The following PPP1R7 variants were observed in gnomAD, a reference collection of about 807,000 sequenced individuals.
PPP1R7 encodes the protein protein phosphatase 1 regulatory subunit 22.
A neutral mutation model predicts 45.2 loss-of-function variants in PPP1R7; 18 were observed. The observed-to-expected ratio is 0.40, with a 90% CI of 0.28 to 0.59. PPP1R7 has a LOEUF of 0.59. PPP1R7 is among the 20% of genes least tolerant of loss of function. The pLI, the probability that PPP1R7 is intolerant of heterozygous loss-of-function variation, is 0.46. For synonymous variants in PPP1R7, 181 were observed against 183.4 expected, an observed-to-expected ratio of 0.99 and a Z score of 0.11; for missense variants, 314 against 455.8, an observed-to-expected ratio of 0.69 and a Z score of 2.83.
chr2:241,163,040 C>A (rs908661412), intron 6 of PPP1R7, among the ~76,000 whole-genome samples: 5 of 152,150 alleles, frequency 3.3e-5, no homozygotes, highest in African/African-American at 1.2e-4. Context: ...TCCTTGGGTT[C>A]TGAGACTGTT....
intron 9 of PPP1R7, among the ~76,000 whole-genome samples, chr2:241,171,280 C>T (rs1366424740): frequency 6.6e-6 from 1 of 152,188 alleles, no homozygotes; most frequent in African/African-American, 2.4e-5. Context: ...GTGCCTGACC[C>T]TGTAACACAG....
At position 241,183,226 on chromosome 2, in the gene PPP1R7, C is replaced by G; in HGVS notation, c.*403C>G. The G allele has an allele frequency of 2.6e-6, 1 of 382,548 alleles. No individual in the cohort carries two copies. Among genetic ancestry groups the G allele is most frequent in the Non-Finnish European group, 5.3e-6 (1 of 190,140 alleles). The allele number at this position is 382,548 out of a possible 1,614,324, so 23.7% of individuals were successfully genotyped here. A position where few individuals can be genotyped will look rare whatever the true frequency, so the allele number is the denominator to read the frequency against. On this transcript the variant is annotated 3_prime_UTR_variant, in exon 10 of 10. Coordinates refer to ENST00000234038, the MANE Select transcript of PPP1R7 (RefSeq NM_002712.3). ...CATTCGGGGGCTGGCCTAGCTGGCC[C>G]TAGTCCTGGTGTGCAGGGTTCAGGC...
chr2:241,158,476 T>C lies in PPP1R7; in HGVS notation c.238-8T>C. ...TATAGCTGAGTATAGATTTCTGCTT[T>C]GTTTCAGGATGTTGATTTGAATCAC... On this transcript the variant is annotated splice_region_variant and splice_polypyrimidine_tract_variant and intron_variant, in intron 3 of 9. Coordinates refer to ENST00000234038, the MANE Select transcript of PPP1R7 (RefSeq NM_002712.3). The C allele has an allele frequency of 6.2e-7, 1 of 1,613,856 alleles. No homozygotes were observed. The highest frequency in any genetic ancestry group is 8.5e-7 in the Non-Finnish European group (1 of 1,179,724).
At position 241,153,723 on chromosome 2, in the gene PPP1R7, T is replaced by C. The variant is rs370590364; in HGVS notation, c.181+119T>C. On this transcript the variant is annotated intron_variant, in intron 2 of 9. Transcript: ENST00000234038. ...TCTGGAGAAGGACTGCCGTGCTCCT[T>C]AGGGGTCCTCAGTGGCCCAGGGCAG... 14 of 1,335,750 alleles carry C rather than the reference T, an allele frequency of 1.0e-5. No individual in the cohort carries two copies. The African/African-American group carries it at 1.5e-4, about 14-fold the overall frequency. The allele number at this position is 1,335,750 out of a possible 1,614,324, so 82.7% of individuals were successfully genotyped here.
At chr2:241,178,497 C>T (rs2067944703) in intron 9 of PPP1R7, among the ~76,000 whole-genome samples, 1 of 145,314 alleles carries the variant, frequency 6.9e-6, no homozygotes, top group African/African-American at 2.5e-5. Context: ...GGCTCTGTCA[C>T]CCAGGCTGGA....
chr2:241,166,011 TCCTGCCTCAG>T (rs2067699907), intron 7 of PPP1R7, among the ~76,000 whole-genome samples: 1 of 151,832 alleles, frequency 6.6e-6, no homozygotes, highest in Non-Finnish European at 1.5e-5. Context: ...CACGCCGTTC[TCCTGCCTCAG>T]CCTCCCGAGT....
At chr2:241,175,005 C>T (rs1402478875) in intron 9 of PPP1R7, among the ~76,000 whole-genome samples, 3 of 152,248 alleles carry the variant, frequency 2.0e-5, no homozygotes, top group African/African-American at 7.2e-5. Context: ...TAGCTTGTGA[C>T]AAAGGCAGGA....
At chr2:241,165,629 T>C (rs531062279) in intron 7 of PPP1R7, among the ~76,000 whole-genome samples, 10 of 152,172 alleles carry the variant, frequency 6.6e-5, no homozygotes, top group Admixed American at 1.3e-4. Flanking sequence ...AGTCTCGCTC[T>C]GTCACCCAGG....
At chr2:241,167,724 T>G (rs549903632) in intron 8 of PPP1R7, among the ~76,000 whole-genome samples, 1 of 152,296 alleles carries the variant, frequency 6.6e-6, no homozygotes, top group Non-Finnish European at 1.5e-5. Context: ...AAACACCAGA[T>G]TATTCTTGGG....
intron 8 of PPP1R7, 75 bp from the exon 9 acceptor site, chr2:241,169,706 G>C: frequency 6.3e-6 from 8 of 1,270,824 alleles, no homozygotes; most frequent in Non-Finnish European, 9.2e-6. Context: ...GTCAGCACTT[G>C]ACACTGCCTG....
intron 2 of PPP1R7, among the ~76,000 whole-genome samples, chr2:241,157,409 G>A (rs1053881314): frequency 4.6e-5 from 7 of 152,208 alleles, no homozygotes; most frequent in African/African-American, 1.7e-4. Context: ...CTACATGGGA[G>A]GCAGGCTGCT....
chr2:241,160,560 A>T, intron 6 of PPP1R7, 66 bp downstream of exon 6: 2 of 1,405,750 alleles, frequency 1.4e-6, no homozygotes, highest in Non-Finnish European at 1.9e-6. Context: ...GTGTGGACTC[A>T]GTGGGTGTAT....
chr2:241,160,504 G>T lies in PPP1R7; in HGVS notation c.597+10G>T. 2 of 1,593,078 alleles carry T rather than the reference G, an allele frequency of 1.3e-6. No individual in the cohort carries two copies. The highest frequency in any genetic ancestry group is 1.1e-5 in the South Asian group (1 of 87,092). ...ATCTAACCGCATCCGGGTAGGTGCAGACAGCCCTGACTAGTATATTCAGGG... is the reference window on the plus strand; with the variant it reads ...ATCTAACCGCATCCGGGTAGGTGCATACAGCCCTGACTAGTATATTCAGGG... On this transcript the variant is annotated intron_variant, in intron 6 of 9. Coordinates refer to ENST00000234038, the MANE Select transcript of PPP1R7 (RefSeq NM_002712.3).
In PPP1R7 at chr2:241,158,439, C is replaced by T. The variant is rs1335579544; in HGVS notation, c.238-45C>T. On this transcript the variant is annotated intron_variant, in intron 3 of 9. Transcript: ENST00000234038. ...CCTCTTCTAGGACGACACAGGTCTCCAGCCACTTTGCTATAGCTGAGTATA... is the reference window on the plus strand; with the variant it reads ...CCTCTTCTAGGACGACACAGGTCTCTAGCCACTTTGCTATAGCTGAGTATA... The T allele has an allele frequency of 1.9e-6, 3 of 1,599,218 alleles. No homozygotes were observed. In the Admixed American group the frequency reaches 5.0e-5, roughly 27 times the overall value.
chr2:241,166,994 T>G, intron 8 of PPP1R7: 2 of 1,545,906 alleles, frequency 1.3e-6, no homozygotes, highest in Admixed American at 1.7e-5. Context: ...TTTCCACACC[T>G]GTCCTCACCT....
At chr2:241,174,317 GGCT>G (rs1447492184) in intron 9 of PPP1R7, among the ~76,000 whole-genome samples, 11 of 152,106 alleles carry the variant, frequency 7.2e-5, no homozygotes, top group African/African-American at 2.2e-4. Context: ...TGCATCTTGG[GGCT>G]GCTTAGTAGT....
At chr2:241,154,850 G>T (rs767419546) in intron 2 of PPP1R7, among the ~76,000 whole-genome samples, 19 of 152,238 alleles carry the variant, frequency 1.2e-4, no homozygotes, top group Admixed American at 2.6e-4. Flanking sequence ...TGTATACAGT[G>T]TATGAATAAT....
Position 241,164,077 on chromosome 2 carries a change from T to G in PPP1R7, c.714+676T>G, listed in dbSNP as rs1003749364. ...GACTGCAGGTACACAGCACCATGCCTGGCTAATTTTTGTATTTTATGTAGA... is the reference window on the plus strand; with the variant it reads ...GACTGCAGGTACACAGCACCATGCCGGGCTAATTTTTGTATTTTATGTAGA... On this transcript the variant is annotated intron_variant, in intron 7 of 9. Transcript: ENST00000234038. 2.0e-5 allele frequency among the ~76,000 whole-genome samples: 3 copies of G among 152,266 alleles called. No homozygotes were observed. The South Asian group carries it at 6.2e-4, about 32-fold the overall frequency.
chr2:241,159,708 C>CA (rs1453261942), intron 5 of PPP1R7, among the ~76,000 whole-genome samples: 2 of 151,258 alleles, frequency 1.3e-5, no homozygotes, highest in East Asian at 1.9e-4. Flanking sequence ...TTTTTAATTA[C>CA]AAAAAAAAGT....
Sources: allele counts gnomAD v4.1 joint callset (sites outside exome capture counted in the v4.1 genomes callset), GRCh38; gene constraint gnomAD v4.1.1; transcripts MANE v1.5; gene names NCBI Gene and HGNC (gene_info 2026-07-23, HGNC 2026-07-21).